Variants in PACS1 observed in about 807,000 individuals in gnomAD.
The protein encoded by PACS1 is phosphofurin acidic cluster sorting protein 1.
Under a neutral mutation model 115.0 loss-of-function variants are expected in PACS1, and 24 were observed. The ratio of observed to expected loss-of-function variants is 0.21; its 90% CI spans 0.15 to 0.29. PACS1 has a LOEUF of 0.29. Among genes scored for constraint, PACS1 ranks in the 10% least tolerant of loss-of-function variants. The pLI is 1.00. For missense variants in PACS1, 838 were observed against 1,251.2 expected (o/e 0.67, Z 4.98); for synonymous variants, 453 against 504.5 (o/e 0.90, Z 1.37).
intron 1 of PACS1, among the ~76,000 whole-genome samples, chr11:66,123,035 G>A (rs1858479057): frequency 6.6e-6 from 1 of 152,112 alleles, no homozygotes. Context: ...AAGAGTCAGT[G>A]TGACAAACTT....
At chr11:66,116,006 T>G (rs1034173495) in intron 1 of PACS1, among the ~76,000 whole-genome samples, 6 of 152,250 alleles carry the variant, frequency 3.9e-5, no homozygotes, top group Non-Finnish European at 8.8e-5. Flanking sequence ...TAAGATGAAT[T>G]TGAAAAGAAA....
chr11:66,243,267 G>T lies in PACS1; in HGVS notation c.2879G>T (p.Ser960Ile). The T allele has an allele frequency of 6.3e-7, 1 of 1,596,482 alleles. No homozygotes were observed. The part of the protein sequence containing the change: ...KHFPVGLFSG[S>I]KAT ...TTTCCAGTGGGACTCTTCAGTGGCA[G>T]CAAGGCCACCTGAGGCCCTGTCTCC... is the stretch of plus-strand genomic sequence containing the variant. Residue 960 changes from serine to isoleucine, a missense_variant, in exon 24 of 24, where the codon AGC becomes ATC. Transcript: ENST00000320580.
At chr11:66,073,916 CTTTTTTTTTTTT>C (rs34145797) in intron 1 of PACS1, among the ~76,000 whole-genome samples, 2 of 76,938 alleles carry the variant, frequency 2.6e-5, no homozygotes, top group African/African-American at 5.2e-5. Context: ...TCACACCTGG[CTTTTTTTTTTTT>C]TTTTTTTTTT....
rs1486480789 is a variant in PACS1 at position 66,233,550 on chromosome 11, G to A, written c.1839-235G>A. ...TCCCAGGCACACTGCCGAGTCCTAC[G>A]TTAGCCTCAGCTGTTCCGTCTGCTT... On this transcript the variant is annotated intron_variant, in intron 15 of 23. Transcript: ENST00000320580. The surrounding 1 kb of genome is among the most constrained non-coding windows in gnomAD (Gnocchi z 4.5). Among the ~76,000 whole-genome samples the A allele has an allele frequency of 1.3e-5, 2 of 152,210 alleles. No individual in the cohort carries two copies. Among genetic ancestry groups the A allele is most frequent in the African/African-American group, 2.4e-5 (1 of 41,456 alleles).
chr11:66,142,622 T>TAA (rs757969555), intron 1 of PACS1, among the ~76,000 whole-genome samples: 41 of 125,978 alleles, frequency 3.3e-4, no homozygotes, highest in South Asian at 7.7e-4. Flanking sequence ...AGCATTTTAT[T>TAA]AAAAAAAAAA....
At chr11:66,098,497 C>G (rs1340679187) in intron 1 of PACS1, among the ~76,000 whole-genome samples, 1 of 152,200 alleles carries the variant, frequency 6.6e-6, no homozygotes, top group Non-Finnish European at 1.5e-5. Flanking sequence ...TATGCACATG[C>G]TATCCTAGCA....
intron 2 of PACS1, among the ~76,000 whole-genome samples, chr11:66,206,421 G>A (rs1854941226): frequency 6.6e-6 from 1 of 152,176 alleles, no homozygotes; most frequent in Non-Finnish European, 1.5e-5. Context: ...TAGTAAAGAT[G>A]AGGACAGTAG....
intron 22 of PACS1, among the ~76,000 whole-genome samples, 156 bp from the exon 23 acceptor site, chr11:66,242,756 C>T (rs1855841558): frequency 6.6e-6 from 1 of 152,078 alleles, no homozygotes; most frequent in Non-Finnish European, 1.5e-5. Context: ...AGTCAGGAAC[C>T]TGAAGATCCT....
intron 2 of PACS1, among the ~76,000 whole-genome samples, chr11:66,207,784 T>C (rs1854977121): frequency 6.6e-6 from 1 of 152,178 alleles, no homozygotes; most frequent in African/African-American, 2.4e-5. Flanking sequence ...TTTTGTTTTT[T>C]TTTGAGACGG....
chr11:66,113,985 A>G (rs1858246408), intron 1 of PACS1, among the ~76,000 whole-genome samples: 1 of 152,196 alleles, frequency 6.6e-6, no homozygotes, highest in Admixed American at 6.5e-5. Context: ...CCCAGACAAA[A>G]ATACGATTAA....
intron 2 of PACS1, among the ~76,000 whole-genome samples, chr11:66,204,129 G>A (rs1294197923): frequency 6.6e-6 from 1 of 151,952 alleles, no homozygotes; most frequent in Admixed American, 6.6e-5. Flanking sequence ...AGGCCAACAA[G>A]GGATCCCTTG....
intron 1 of PACS1, among the ~76,000 whole-genome samples, chr11:66,142,342 A>G (rs1859011475): frequency 6.6e-6 from 1 of 151,996 alleles, no homozygotes; most frequent in Non-Finnish European, 1.5e-5. Context: ...TGGGTGAGAC[A>G]AGGTCTCACA....
intron 1 of PACS1, among the ~76,000 whole-genome samples, chr11:66,116,367 T>C: frequency 6.6e-6 from 1 of 152,228 alleles, no homozygotes; most frequent in Admixed American, 6.5e-5. Context: ...AGGGTTCCAG[T>C]GCTCACCAAA....
chr11:66,234,279 GGGGTCCACAGGT>G, intron 17 of PACS1, 37 bp downstream of exon 17: 2 of 1,406,048 alleles, frequency 1.4e-6, no homozygotes. Flanking sequence ...TCCCACCCCC[GGGGTCCACAGGT>G]GCCAGCCTGG....
intron 1 of PACS1, among the ~76,000 whole-genome samples, chr11:66,159,140 A>G (rs1330978219): frequency 2.0e-5 from 3 of 152,260 alleles, no homozygotes; most frequent in Non-Finnish European, 4.4e-5. Flanking sequence ...AAATGTTTTC[A>G]GAAATGCAGG....
At chr11:66,220,452 C>T (rs2134717527) in intron 8 of PACS1, 179 bp from the exon 9 acceptor site, 1 of 615,220 alleles carries the variant, frequency 1.6e-6, no homozygotes, top group Non-Finnish European at 2.8e-6. Context: ...GTGGCCTCAC[C>T]ATGTCCCCGC....
chr11:66,189,213 A>T (rs1456955185), intron 1 of PACS1, among the ~76,000 whole-genome samples: 3 of 152,212 alleles, frequency 2.0e-5, no homozygotes, highest in African/African-American at 7.2e-5. Context: ...GAGTCATGCC[A>T]TTGAAAACAA....
intron 1 of PACS1, among the ~76,000 whole-genome samples, chr11:66,189,561 G>A (rs939386440): frequency 2.0e-5 from 3 of 152,230 alleles, no homozygotes; most frequent in African/African-American, 7.2e-5. Flanking sequence ...CCGCTGCGCT[G>A]TGTAGCCCAC....
intron 1 of PACS1, among the ~76,000 whole-genome samples, chr11:66,097,298 G>T (rs371826347): frequency 2.0e-5 from 3 of 152,122 alleles, no homozygotes; most frequent in South Asian, 4.1e-4. Flanking sequence ...ATTATTCCCA[G>T]TCAGATCGTA....
Sources: gnomAD v4.1 joint callset for allele counts (sites outside exome capture counted in the v4.1 genomes callset) on GRCh38, gnomAD v4.1.1 for gene constraint, Gnocchi (gnomAD v3.1) non-coding constraint, MANE v1.5 for transcripts, NCBI Gene and HGNC (gene_info 2026-07-23, HGNC 2026-07-21) for gene names.